Variants in ZFYVE9 observed in about 807,000 individuals in gnomAD.
ZFYVE9 encodes the protein zinc finger FYVE-type containing 9.
Under a neutral mutation model 126.7 loss-of-function variants are expected in ZFYVE9, and 43 were observed. That is an observed-to-expected ratio of 0.34 (90% CI 0.27 to 0.44). ZFYVE9 has a LOEUF of 0.44. ZFYVE9 is among the 20% of genes least tolerant of loss of function. The pLI is 1.00. For missense variants in ZFYVE9, 1,476 were observed against 1,697.0 expected, an observed-to-expected ratio of 0.87 and a Z score of 2.29; for synonymous variants, 521 against 597.4, an observed-to-expected ratio of 0.87 and a Z score of 1.87.
intron 1 of ZFYVE9, among the ~76,000 whole-genome samples, chr1:52,184,441 T>C (rs1644745731): frequency 6.8e-6 from 1 of 147,182 alleles, no homozygotes. Flanking sequence ...AGATGGGGTT[T>C]CCTCATGTTG....
At chr1:52,337,169 T>C (rs1646397758) in intron 15 of ZFYVE9, among the ~76,000 whole-genome samples, 1 of 152,206 alleles carries the variant, frequency 6.6e-6, no homozygotes, top group Admixed American at 6.6e-5. Context: ...GAGTAATTGC[T>C]CAGCATGTGA....
At position 52,342,784 on chromosome 1, in the gene ZFYVE9, G is replaced by A. The variant is rs192035291; in HGVS notation, c.3940-1984G>A. 4.0e-3 allele frequency among the ~76,000 whole-genome samples: 605 copies of A among 152,190 alleles called. 3 individuals are homozygous for A. Among genetic ancestry groups the A allele is most frequent in the African/African-American group, 0.014 (575 of 41,518 alleles). The stretch of plus-strand genomic sequence containing the variant: ...CCTGACCTTGTGATCTGCCCGCCTC[G>A]GCCTCCCAAAGTACTGGGATTACAG... On this transcript the variant is annotated intron_variant, in intron 17 of 18. Transcript: ENST00000287727.
intron 17 of ZFYVE9, among the ~76,000 whole-genome samples, chr1:52,343,771 A>C (rs919162608): frequency 1.4e-5 from 2 of 138,542 alleles, no homozygotes; most frequent in African/African-American, 5.5e-5. Flanking sequence ...CTCAAAAAAA[A>C]AATAAAGTAA....
intron 4 of ZFYVE9, among the ~76,000 whole-genome samples, chr1:52,253,446 A>G (rs528834717): frequency 6.6e-6 from 1 of 152,300 alleles, no homozygotes; most frequent in South Asian, 2.1e-4. Flanking sequence ...AAAAATAGAA[A>G]ATGTTGATAG....
intron 2 of ZFYVE9, among the ~76,000 whole-genome samples, chr1:52,220,015 A>G (rs1645109485): frequency 6.6e-6 from 1 of 151,836 alleles, no homozygotes; most frequent in South Asian, 2.1e-4. Flanking sequence ...TGACCTTGTG[A>G]TCCACCCTCC....
intron 1 of ZFYVE9, among the ~76,000 whole-genome samples, chr1:52,182,599 G>T (rs2124543342): frequency 6.6e-6 from 1 of 151,912 alleles, no homozygotes; most frequent in South Asian, 2.1e-4. Context: ...AGTACCCAGG[G>T]ACACAAACAC....
At position 52,230,305 on chromosome 1, in the gene ZFYVE9, C is replaced by T. The variant is rs1334686960; in HGVS notation, c.-36-2866C>T. 4.6e-5 allele frequency among the ~76,000 whole-genome samples: 7 copies of T among 152,074 alleles called. No homozygotes were observed. The South Asian group carries it at 8.3e-4, about 18-fold the overall frequency. ...ACCACACAGGAACAGGAGAGGCAAACGGAGTGAACTTCCCAAGGCCCCACC... is the reference window on the plus strand; with the variant it reads ...ACCACACAGGAACAGGAGAGGCAAATGGAGTGAACTTCCCAAGGCCCCACC... On this transcript the variant is annotated intron_variant, in intron 2 of 18. Coordinates refer to ENST00000287727, the MANE Select transcript of ZFYVE9 (RefSeq NM_004799.4).
chr1:52,176,830 C>T (rs1644636447), intron 1 of ZFYVE9, among the ~76,000 whole-genome samples: 1 of 152,288 alleles, frequency 6.6e-6, no homozygotes. Context: ...TGCGCCGTTT[C>T]CTAAGCCCGT....
intron 4 of ZFYVE9, among the ~76,000 whole-genome samples, chr1:52,256,936 T>G (rs1300271244): frequency 6.6e-6 from 1 of 152,252 alleles, no homozygotes; most frequent in East Asian, 1.9e-4. Context: ...CACATCACAG[T>G]TATTTTTGTC....
At chr1:52,305,647 C>G (rs1293576554) in intron 13 of ZFYVE9, among the ~76,000 whole-genome samples, 4 of 152,086 alleles carry the variant, frequency 2.6e-5, no homozygotes, top group Non-Finnish European at 5.9e-5. Context: ...TCCCAAGGTG[C>G]AGCTGCCCAA....
chr1:52,301,200 T>C (rs1041539713), intron 12 of ZFYVE9, among the ~76,000 whole-genome samples: 6 of 151,800 alleles, frequency 4.0e-5, no homozygotes, highest in African/African-American at 1.5e-4. Flanking sequence ...GTTGCTCCAC[T>C]GTCTTCTGCT....
chr1:52,275,655 G>C (rs1275725365), intron 8 of ZFYVE9, among the ~76,000 whole-genome samples: 1 of 151,932 alleles, frequency 6.6e-6, no homozygotes, highest in Non-Finnish European at 1.5e-5. Flanking sequence ...AAATTTTATT[G>C]CTGACATATA....
At position 52,142,731 on chromosome 1, in the gene ZFYVE9, C is replaced by G. The variant is rs1219372144; in HGVS notation, c.-143+328C>G. ...CCGAGCGCAGCCTCTTAGCCCGGGC[C>G]CTGCACGTACATCCCGGAGGGAGGC... is the stretch of plus-strand genomic sequence containing the variant. On this transcript the variant is annotated intron_variant, in intron 1 of 18. Coordinates refer to ENST00000287727, the MANE Select transcript of ZFYVE9 (RefSeq NM_004799.4). This position sits in a 1 kb window ranked among gnomAD's most constrained non-coding sequence, Gnocchi z 4.5. Among the ~76,000 whole-genome samples the G allele has an allele frequency of 6.6e-6, 1 of 152,158 alleles. No homozygotes were observed. The highest frequency in any genetic ancestry group is 1.9e-4 in the East Asian group (1 of 5,158).
Position 52,255,952 on chromosome 1 carries a change from T to C in ZFYVE9, c.2179-7821T>C, listed in dbSNP as rs1414752641. On this transcript the variant is annotated intron_variant, in intron 4 of 18. Transcript: ENST00000287727. ...TCTTTTCTTTTCTTTTCTTTTCTTTTCTTTTCTTTTCTTTTCTTTCTTTCT... is the reference window on the plus strand; with the variant it reads ...TCTTTTCTTTTCTTTTCTTTTCTTTCCTTTTCTTTTCTTTTCTTTCTTTCT... Among the ~76,000 whole-genome samples, 181 of 110,294 alleles carry C rather than the reference T, an allele frequency of 1.6e-3. 2 individuals carry two copies. Among genetic ancestry groups the C allele is most frequent in the Middle Eastern group, 9.0e-3 (2 of 222 alleles). The allele number at this position is 110,294 out of a possible 152,430, so 72.4% of individuals were successfully genotyped here. A position where few individuals can be genotyped will look rare whatever the true frequency, so the allele number is the denominator to read the frequency against.
intron 1 of ZFYVE9, among the ~76,000 whole-genome samples, chr1:52,199,554 A>G (rs1047366145): frequency 2.0e-5 from 3 of 152,186 alleles, no homozygotes; most frequent in African/African-American, 7.2e-5. Flanking sequence ...TGGATGTACC[A>G]CAGCTTTTAT....
Position 52,142,540 on chromosome 1 carries a change from C to G in ZFYVE9, c.-143+137C>G, listed in dbSNP as rs1644268581. On this transcript the variant is annotated intron_variant, in intron 1 of 18. Coordinates refer to ENST00000287727, the MANE Select transcript of ZFYVE9 (RefSeq NM_004799.4). This position sits in a 1 kb window ranked among gnomAD's most constrained non-coding sequence, Gnocchi z 4.5. ...CCCCCACCCTGCGGTCCTGGGGCCT[C>G]AGCCCTTTCTCCCCGCGTCCCCCGG... The G allele has an allele frequency of 6.6e-6, 1 of 152,190 alleles. No individual in the cohort carries two copies. Among genetic ancestry groups the G allele is most frequent in the Non-Finnish European group, 1.5e-5 (1 of 68,058 alleles). 9.4% of individuals were successfully genotyped at this position (152,190 alleles called of 1,614,324 possible).
Position 52,219,458 on chromosome 1 carries a change from A to C in ZFYVE9, c.-37+2984A>C, listed in dbSNP as rs191547628. Among the ~76,000 whole-genome samples, 7 of 151,934 alleles carry C rather than the reference A, an allele frequency of 4.6e-5. No individual in the cohort carries two copies. The East Asian group carries it at 1.2e-3, about 25-fold the overall frequency. ...TTTTGGCCGTTCAGATTGCTGTCTC[A>C]GTGGTTAGGAGTATTAGATAAGGAG... is the stretch of plus-strand genomic sequence containing the variant. On this transcript the variant is annotated intron_variant, in intron 2 of 18. Transcript: ENST00000287727.
At chr1:52,180,348 G>T in intron 1 of ZFYVE9, 3 of 1,563,312 alleles carry the variant, frequency 1.9e-6, no homozygotes, top group Non-Finnish European at 2.6e-6. Context: ...TTACGTGGAA[G>T]GAGATATCAA....
At chr1:52,305,703 A>G (rs1437055988) in intron 13 of ZFYVE9, among the ~76,000 whole-genome samples, 2 of 151,882 alleles carry the variant, frequency 1.3e-5, no homozygotes, top group Non-Finnish European at 2.9e-5. Context: ...AGCAGGCAGG[A>G]GCTCCCCCCT....
Sources: allele counts gnomAD v4.1 joint callset (sites outside exome capture counted in the v4.1 genomes callset), GRCh38; gene constraint gnomAD v4.1.1; non-coding constraint Gnocchi (gnomAD v3.1); transcripts MANE v1.5; gene names NCBI Gene and HGNC (gene_info 2026-07-23, HGNC 2026-07-21).